Variants in ADGRF5 observed in about 807,000 individuals in gnomAD.
The protein encoded by ADGRF5 is adhesion G protein-coupled receptor F5, also known as G-protein coupled receptor 116.
In ADGRF5, 75 loss-of-function variants were observed where a neutral mutation model predicts 132.3. That is an observed-to-expected ratio of 0.57 (90% CI 0.47 to 0.69). The LOEUF (loss-of-function observed/expected upper bound fraction) is 0.69. ADGRF5 is among the 30% of genes least tolerant of loss of function. The probability of loss-of-function intolerance (pLI) is 0.00; values close to 1 mark genes in which losing one functional copy is unlikely to be tolerated. For missense variants in ADGRF5, 1,516 were observed against 1,630.6 expected, an observed-to-expected ratio of 0.93 and a Z score of 1.21; for synonymous variants, 629 against 597.6, an observed-to-expected ratio of 1.05 and a Z score of -0.77.
Position 46,858,972 on chromosome 6 carries a change from T to G in ADGRF5, c.2931A>C (p.Glu977Asp), listed in dbSNP as rs1333972124. Residue 977 changes from glutamate to aspartate, a missense_variant, in exon 17 of 21, where the codon GAA becomes GAC. Physicochemically the swap from Glu to Asp is conservative, Grantham distance 45 (BLOSUM62 2). Around this residue, in one of 2 missense-constraint regions of ADGRF5, gnomAD observed 571 missense variants for 701.2 expected, o/e 0.81. Transcript: ENST00000283296. ...GWDSSGCYVE[E>D]GDGDNVTCIC... ...TACAGGTGACATTGTCCCCATCACCTTCTTCTACATAGCACCCACTGCTGT... is the reference window on the plus strand; with the variant it reads ...TACAGGTGACATTGTCCCCATCACCGTCTTCTACATAGCACCCACTGCTGT... The G allele has an allele frequency of 6.2e-7, 1 of 1,614,032 alleles. No individual in the cohort carries two copies. Among genetic ancestry groups the G allele is most frequent in the South Asian group, 1.1e-5 (1 of 91,074 alleles).
intron 10 of ADGRF5, among the ~76,000 whole-genome samples, chr6:46,876,466 T>C (rs564681213): frequency 6.6e-6 from 1 of 152,340 alleles, no homozygotes; most frequent in African/African-American, 2.4e-5. Context: ...AGTGACTCCA[T>C]GTATCATGTG....
chr6:46,925,569 A>T (rs1381585016), upstream of ADGRF5, among the ~76,000 whole-genome samples: 2 of 152,104 alleles, frequency 1.3e-5, no homozygotes, highest in African/African-American at 4.8e-5. Context: ...CCAGCTGGCC[A>T]ACATGGCGAA....
chr6:46,934,392 C>A (rs1020108514), intron 1 of ADGRF5, among the ~76,000 whole-genome samples: 1 of 152,140 alleles, frequency 6.6e-6, no homozygotes, highest in African/African-American at 2.4e-5. Context: ...ATTTGCTTGA[C>A]TAATTCTTTT....
chr6:46,883,889 G>A (rs899089949), intron 5 of ADGRF5, among the ~76,000 whole-genome samples: 3 of 152,128 alleles, frequency 2.0e-5, no homozygotes, highest in African/African-American at 7.2e-5. Context: ...CTACAGGCAT[G>A]TGCCACCACA....
intron 1 of ADGRF5, among the ~76,000 whole-genome samples, chr6:46,919,082 G>A (rs193134693): frequency 1.3e-5 from 2 of 152,308 alleles, no homozygotes; most frequent in African/African-American, 4.8e-5. Flanking sequence ...TGGACAGCAG[G>A]TGATAGAACT....
chr6:46,863,799 G>A (rs948053778), intron 14 of ADGRF5, among the ~76,000 whole-genome samples: 4 of 152,180 alleles, frequency 2.6e-5, no homozygotes, highest in South Asian at 2.1e-4. Flanking sequence ...AAAAAGAAGC[G>A]AAACCATATT....
At chr6:46,863,345 G>T in intron 14 of ADGRF5, 1 of 569,662 alleles carries the variant, frequency 1.8e-6, no homozygotes, top group Non-Finnish European at 3.3e-6. Context: ...CCTTCATCTG[G>T]AGATTCTCAA....
chr6:46,942,216 G>A (rs1293306371), intron 1 of ADGRF5, among the ~76,000 whole-genome samples: 1 of 152,112 alleles, frequency 6.6e-6, no homozygotes, highest in Non-Finnish European at 1.5e-5. Flanking sequence ...GCATTACAAT[G>A]CTCTATTTAT....
chr6:46,951,909 C>T (rs1778515120), intron 1 of ADGRF5, among the ~76,000 whole-genome samples: 1 of 152,212 alleles, frequency 6.6e-6, no homozygotes, highest in Admixed American at 6.5e-5. Flanking sequence ...CTTAAGATCT[C>T]TTCGAGCTGG....
At chr6:46,954,245 CTT>C (rs11341848) in intron 1 of ADGRF5, among the ~76,000 whole-genome samples, 1 of 150,134 alleles carries the variant, frequency 6.7e-6, no homozygotes, top group South Asian at 2.1e-4. Flanking sequence ...ACAAAGTACT[CTT>C]TTTTTTTTCT....
chr6:46,913,027 T>A (rs924759227), intron 1 of ADGRF5, among the ~76,000 whole-genome samples: 2 of 152,204 alleles, frequency 1.3e-5, no homozygotes, highest in African/African-American at 4.8e-5. Flanking sequence ...ATTTTCATAC[T>A]TTTTCTAATA....
At chr6:46,895,632 A>G (rs1446805405) in intron 3 of ADGRF5, among the ~76,000 whole-genome samples, 1 of 149,926 alleles carries the variant, frequency 6.7e-6, no homozygotes, top group East Asian at 2.0e-4. Flanking sequence ...GGGTTTGGAC[A>G]TCCTGAATGC....
At chr6:46,952,175 T>A (rs776046065) in intron 1 of ADGRF5, among the ~76,000 whole-genome samples, 10 of 152,248 alleles carry the variant, frequency 6.6e-5, no homozygotes, top group Admixed American at 2.0e-4. Flanking sequence ...ACAGTTCAGC[T>A]GTCTTTCTAT....
At chr6:46,878,575 C>A (rs1430281038) in intron 9 of ADGRF5, among the ~76,000 whole-genome samples, 170 bp from the exon 10 acceptor site, 1 of 152,054 alleles carries the variant, frequency 6.6e-6, no homozygotes, top group Non-Finnish European at 1.5e-5. Flanking sequence ...TCAGGAAGTG[C>A]AGATATTTCT....
At chr6:46,875,447 T>C (rs1159044109) in intron 10 of ADGRF5, among the ~76,000 whole-genome samples, 3 of 152,186 alleles carry the variant, frequency 2.0e-5, no homozygotes, top group Admixed American at 2.0e-4. Context: ...CAAGACTTTG[T>C]GTGGGGAGTG....
chr6:46,900,468 C>T (rs765974038), intron 2 of ADGRF5, among the ~76,000 whole-genome samples: 2 of 152,324 alleles, frequency 1.3e-5, no homozygotes, highest in South Asian at 2.1e-4. Flanking sequence ...ACAAGTCTCA[C>T]GACCTCCTTC....
At chr6:46,923,661 G>T (rs1777107671), upstream of ADGRF5, among the ~76,000 whole-genome samples, 1 of 152,184 alleles carries the variant, frequency 6.6e-6, no homozygotes. Context: ...CATGGAATGG[G>T]CGTTGTCAAA....
rs756950355 is a variant in ADGRF5 at position 46,867,070 on chromosome 6, G to A, written c.1689C>T (p.His563=). The change falls in exon 13 of 21, where the codon CAC becomes CAT. Residue 563 remains histidine (H), a synonymous_variant. Transcript: ENST00000283296. The part of the protein sequence containing the change: ...YSIATKDVIV[H]PLPLKLNIMV... ...TGATGTTCAGCTTTAGAGGCAGCGG[G>A]TGAACAATGACGTCTTTGGTTGCAA... The A allele has an allele frequency of 1.6e-5, 26 of 1,613,472 alleles. No individual in the cohort carries two copies. In the East Asian group the frequency reaches 3.8e-4, roughly 24 times the overall value.
chr6:46,950,180 C>T (rs886808507), intron 1 of ADGRF5, among the ~76,000 whole-genome samples: 6 of 152,166 alleles, frequency 3.9e-5, no homozygotes, highest in African/African-American at 1.4e-4. Context: ...AGTCCATCTT[C>T]CAGGGTGCTG....
Sources: gnomAD v4.1 joint callset for allele counts (sites outside exome capture counted in the v4.1 genomes callset) on GRCh38, gnomAD v4.1.1 for gene constraint, gnomAD v4.1.1 regional missense constraint, MANE v1.5 for transcripts, NCBI Gene and HGNC (gene_info 2026-07-23, HGNC 2026-07-21) for gene names.